PRR5L: variants seen among roughly 807,000 people sequenced by gnomAD.
The protein encoded by PRR5L is proline-rich protein 5-like.
Under a neutral mutation model 36.4 loss-of-function variants are expected in PRR5L, and 21 were observed. The observed-to-expected ratio is 0.58, with a 90% CI of 0.41 to 0.83. The LOEUF (loss-of-function observed/expected upper bound fraction) is 0.83, where lower values mean the gene tolerates loss of function less well. Among genes scored for constraint, PRR5L ranks in the 40% least tolerant of loss-of-function variants. The pLI is 0.00. For synonymous variants in PRR5L, 188 were observed against 197.0 expected, an observed-to-expected ratio of 0.95 and a Z score of 0.38; for missense variants, 381 against 473.3, an observed-to-expected ratio of 0.80 and a Z score of 1.81.
At chr11:36,302,902 C>T (rs1462384854) in intron 1 of PRR5L, among the ~76,000 whole-genome samples, 1 of 152,242 alleles carries the variant, frequency 6.6e-6, no homozygotes, top group African/African-American at 2.4e-5. Flanking sequence ...CTAATCCTCA[C>T]CATGACTTTA....
chr11:36,319,354 A>C (rs1165029476), intron 1 of PRR5L, among the ~76,000 whole-genome samples: 1 of 152,254 alleles, frequency 6.6e-6, no homozygotes, highest in African/African-American at 2.4e-5. Flanking sequence ...AGCAGACAGA[A>C]GCCAAGAGAT....
At chr11:36,389,036 G>A (rs930962654) in intron 1 of PRR5L, among the ~76,000 whole-genome samples, 2 of 152,194 alleles carry the variant, frequency 1.3e-5, no homozygotes, top group Non-Finnish European at 1.5e-5. Flanking sequence ...TCACCTTCCA[G>A]TATATGGGAC....
At chr11:36,330,518 G>A (rs749191215) in intron 1 of PRR5L, among the ~76,000 whole-genome samples, 8 of 152,184 alleles carry the variant, frequency 5.3e-5, no homozygotes, top group African/African-American at 1.4e-4. Context: ...ATCCCTTTCC[G>A]TGGGTCTTGA....
At chr11:36,452,940 T>G (rs1273922351) in intron 8 of PRR5L, among the ~76,000 whole-genome samples, 1 of 152,260 alleles carries the variant, frequency 6.6e-6, no homozygotes, top group Non-Finnish European at 1.5e-5. Flanking sequence ...CTTAAATACA[T>G]GGCTTTGAAT....
intron 1 of PRR5L, among the ~76,000 whole-genome samples, chr11:36,391,700 G>T (rs765016835): frequency 6.6e-6 from 1 of 152,158 alleles, no homozygotes; most frequent in Non-Finnish European, 1.5e-5. Flanking sequence ...TTTAATTTTT[G>T]TGGGTACTTA....
Position 36,446,924 on chromosome 11 carries a change from T to A in PRR5L, c.585+484T>A, listed in dbSNP as rs116446836. Among the ~76,000 whole-genome samples the A allele has an allele frequency of 8.2e-3, 1,250 of 152,320 alleles. 15 individuals carry two copies. Among genetic ancestry groups the A allele is most frequent in the African/African-American group, 0.023 (941 of 41,578 alleles). Reference sequence around the variant, plus strand: ...TAGTCTCTACTTGTATCTGGGCTACTTTGTCTGTCTTCATCTTATCCTATC... The same window carrying A: ...TAGTCTCTACTTGTATCTGGGCTACATTGTCTGTCTTCATCTTATCCTATC... On this transcript the variant is annotated intron_variant, in intron 7 of 8. Coordinates refer to ENST00000530639, the MANE Select transcript of PRR5L (RefSeq NM_001160167.2).
At chr11:36,371,931 G>A (rs764246028) in intron 1 of PRR5L, among the ~76,000 whole-genome samples, 6 of 152,092 alleles carry the variant, frequency 3.9e-5, no homozygotes, top group Non-Finnish European at 7.4e-5. Flanking sequence ...GGTGGTGCAC[G>A]CCTGTAATCC....
intron 1 of PRR5L, among the ~76,000 whole-genome samples, chr11:36,346,069 T>A (rs1205318587): frequency 1.3e-5 from 2 of 152,198 alleles, no homozygotes; most frequent in African/African-American, 4.8e-5. Flanking sequence ...TTTTTTAATT[T>A]TTTTGTAGAG....
At chr11:36,333,355 T>C (rs1856738007) in intron 1 of PRR5L, among the ~76,000 whole-genome samples, 1 of 152,100 alleles carries the variant, frequency 6.6e-6, no homozygotes, top group Admixed American at 6.5e-5. Context: ...ACACCTACCA[T>C]ACGACCTGGC....
chr11:36,303,108 A>G (rs917062790), intron 1 of PRR5L, among the ~76,000 whole-genome samples: 2 of 152,206 alleles, frequency 1.3e-5, no homozygotes, highest in Admixed American at 6.5e-5. Flanking sequence ...TGGAGAAGGA[A>G]GTGGAGGGAA....
intron 1 of PRR5L, among the ~76,000 whole-genome samples, chr11:36,316,161 T>C (rs1856554884): frequency 6.6e-6 from 1 of 152,220 alleles, no homozygotes; most frequent in South Asian, 2.1e-4. Flanking sequence ...GGCCATATGG[T>C]CTGTGTTGCA....
chr11:36,424,396 T>C (rs2133589328), intron 4 of PRR5L, among the ~76,000 whole-genome samples: 1 of 152,286 alleles, frequency 6.6e-6, no homozygotes, highest in South Asian at 2.1e-4. Context: ...TCATTATATA[T>C]GGAATTTGGT....
chr11:36,359,284 T>A (rs1403677566), intron 1 of PRR5L, among the ~76,000 whole-genome samples: 2 of 152,212 alleles, frequency 1.3e-5, no homozygotes, highest in Non-Finnish European at 2.9e-5. Context: ...TTAATCCTCT[T>A]ATTGAAAGAT....
chr11:36,392,058 A>G (rs1857574430), intron 1 of PRR5L, among the ~76,000 whole-genome samples: 1 of 152,228 alleles, frequency 6.6e-6, no homozygotes, highest in South Asian at 2.1e-4. Context: ...ATAAATGAGA[A>G]CATGTGAAGT....
In PRR5L at chr11:36,378,071, C is replaced by T. The variant is rs905254040; in HGVS notation, c.-125-22926C>T. Among the ~76,000 whole-genome samples the T allele has an allele frequency of 7.2e-5, 11 of 152,292 alleles. No individual in the cohort carries two copies. In the East Asian group the frequency reaches 9.6e-4, roughly 13 times the overall value. On this transcript the variant is annotated intron_variant, in intron 1 of 8. Coordinates refer to ENST00000530639, the MANE Select transcript of PRR5L (RefSeq NM_001160167.2). ...ACCTCTCTTTGGTGATCCTGACCAC[C>T]GTAGAAATTTGCAGTCATGACATTT...
chr11:36,382,537 T>A lies in PRR5L; in HGVS notation c.-125-18460T>A, dbSNP rs1214839338. Among the ~76,000 whole-genome samples, 7 of 152,276 alleles carry A rather than the reference T, an allele frequency of 4.6e-5. No individual in the cohort carries two copies. The East Asian group carries it at 1.2e-3, about 25-fold the overall frequency. On this transcript the variant is annotated intron_variant, in intron 1 of 8. Coordinates refer to ENST00000530639, the MANE Select transcript of PRR5L (RefSeq NM_001160167.2). ...GTAGGTCTGGGCTGGTGCCAGAATG[T>A]CTAAGAAGCTCCCAGGCAATGTTGA...
intron 1 of PRR5L, among the ~76,000 whole-genome samples, chr11:36,347,559 G>A (rs574331569): frequency 6.6e-6 from 1 of 152,144 alleles, no homozygotes; most frequent in East Asian, 1.9e-4. Flanking sequence ...ACAGAGACTG[G>A]GAAGGTGAAG....
chr11:36,442,354 T>TC (rs1222146909), intron 6 of PRR5L, among the ~76,000 whole-genome samples: 1 of 151,690 alleles, frequency 6.6e-6, no homozygotes, highest in Non-Finnish European at 1.5e-5. Context: ...AATTTTTTTT[T>TC]TTTTCGAGAC....
At chr11:36,352,093 A>AT (rs1856981599) in intron 1 of PRR5L, among the ~76,000 whole-genome samples, 2 of 151,780 alleles carry the variant, frequency 1.3e-5, no homozygotes, top group African/African-American at 4.8e-5. Flanking sequence ...AACATCTATT[A>AT]TTTTTTTATA....
Sources: allele counts gnomAD v4.1 joint callset (sites outside exome capture counted in the v4.1 genomes callset), GRCh38; gene constraint gnomAD v4.1.1; transcripts MANE v1.5; gene names NCBI Gene and HGNC (gene_info 2026-07-23, HGNC 2026-07-21).